POM121C: variants seen among roughly 807,000 people sequenced by gnomAD.
POM121C encodes nuclear envelope pore membrane protein POM 121C.
In POM121C, 20 loss-of-function variants were observed where a neutral mutation model predicts 66.4. The observed-to-expected ratio is 0.30, with a 90% CI of 0.21 to 0.44. The LOEUF (loss-of-function observed/expected upper bound fraction) is 0.44. Among genes scored for constraint, POM121C ranks in the 20% least tolerant of loss-of-function variants. The pLI is 1.00. For synonymous variants in POM121C, 286 were observed against 528.0 expected (o/e 0.54, Z 6.28); for missense variants, 580 against 1,225.7 (o/e 0.47, Z 7.87).
intron 5 of POM121C, chr7:75,440,510 G>A (rs1790597741): frequency 5.8e-6 from 1 of 172,726 alleles, no homozygotes; most frequent in Admixed American, 5.6e-5. Context: ...TGAGCTTGCA[G>A]TGAGCTGAGA....
chr7:75,419,594 G>C (rs1342101340), intron 13 of POM121C, 152 bp from the exon 14 acceptor site: 28 of 880,938 alleles, frequency 3.2e-5, no homozygotes, highest in Non-Finnish European at 3.2e-5. Flanking sequence ...AGCTGAGCCA[G>C]ACAACCGAGT....
chr7:75,438,101 C>A (rs1417103711), intron 6 of POM121C, among the ~76,000 whole-genome samples: 8 of 152,020 alleles, frequency 5.3e-5, no homozygotes, highest in African/African-American at 1.9e-4. Context: ...TCAATTATAC[C>A]TCAACAAAGC....
At position 75,455,840 on chromosome 7, in the gene POM121C, T is replaced by C. The variant is rs1208326028; in HGVS notation, c.-151-14193A>G. ...TCTCCCACTCTGGCCTGTGGGCTCT[T>C]TGAAGACATGGGCTGTATCTCGCCT... is the stretch of plus-strand genomic sequence containing the variant. On this transcript the variant is annotated intron_variant, in intron 3 of 14. Transcript: ENST00000615331. 2.0e-3 allele frequency among the ~76,000 whole-genome samples: 308 copies of C among 152,308 alleles called. 2 individuals carry two copies. Among genetic ancestry groups the C allele is most frequent in the Non-Finnish European group, 3.6e-3 (244 of 68,024 alleles).
intron 1 of POM121C, among the ~76,000 whole-genome samples, chr7:75,485,480 A>T (rs587663598): frequency 6.6e-6 from 1 of 152,244 alleles, no homozygotes; most frequent in Non-Finnish European, 1.5e-5. Context: ...CTGTTCCTGC[A>T]TTACTACGAT....
At chr7:75,434,042 G>A (rs1790297821) in intron 7 of POM121C, among the ~76,000 whole-genome samples, 2 of 152,306 alleles carry the variant, frequency 1.3e-5, no homozygotes, top group Admixed American at 6.5e-5. Flanking sequence ...CACTAGCAAC[G>A]TGTGAGGAGA....
intron 3 of POM121C, among the ~76,000 whole-genome samples, chr7:75,470,854 G>A (rs1554478549): frequency 1.3e-5 from 2 of 151,844 alleles, no homozygotes; most frequent in Admixed American, 6.6e-5. Flanking sequence ...GGCTGACCTC[G>A]AACCCCTGGG....
At chr7:75,474,904 T>C in intron 2 of POM121C, 22 bp from the exon 3 acceptor site, 1 of 1,029,358 alleles carries the variant, frequency 9.7e-7, no homozygotes, top group Non-Finnish European at 1.5e-6. Context: ...AAATGCTCCA[T>C]TTTTTACCTT....
chr7:75,421,870 A>G lies in POM121C; in HGVS notation c.2382T>C (p.Phe794=). The stretch of plus-strand genomic sequence containing the variant: ...AGGAGAAGACAGCAGTGGAGCCGCC[A>G]AAGGCGGGCTGTGAGCTGGCGGGAG... The part of the protein sequence containing the change: ...FGAPASSQPA[F]GGSTAVFSFG... The change falls in exon 13 of 15, where the codon TTT becomes TTC. Residue 794 remains phenylalanine (F), a synonymous_variant. Transcript: ENST00000615331. 1 of 1,611,784 alleles carries G rather than the reference A, an allele frequency of 6.2e-7. No individual in the cohort carries two copies. Among genetic ancestry groups the G allele is most frequent in the African/African-American group, 1.3e-5 (1 of 75,026 alleles).
intron 3 of POM121C, among the ~76,000 whole-genome samples, chr7:75,456,693 C>A (rs1554476332): frequency 6.6e-6 from 1 of 152,282 alleles, no homozygotes; most frequent in African/African-American, 2.4e-5. Flanking sequence ...TGTTTCATCA[C>A]ACGGAAGCAA....
chr7:75,454,308 G>A (rs1323591382), intron 3 of POM121C, among the ~76,000 whole-genome samples: 7 of 152,226 alleles, frequency 4.6e-5, no homozygotes, highest in South Asian at 2.1e-4. Flanking sequence ...TGAGATCTTC[G>A]GCTGAGGATG....
intron 7 of POM121C, among the ~76,000 whole-genome samples, chr7:75,429,463 C>T (rs1790082973): frequency 1.3e-5 from 2 of 152,112 alleles, no homozygotes; most frequent in Non-Finnish European, 2.9e-5. Context: ...GAAATCCTGT[C>T]TCTACTAAAA....
chr7:75,439,146 A>G lies in POM121C; in HGVS notation c.306T>C (p.Pro102=), dbSNP rs374863715. ...VASGVPASFV[P]KPGSLKRGLN... is the part of the protein sequence containing the mutation. The stretch of plus-strand genomic sequence containing the variant: ...CATCTGGATGGACTCGCACTTACTT[A>G]GGCACAAAAGAAGCGGGGACTCCAC... Residue 102 remains proline, a splice_region_variant and synonymous_variant, in exon 6 of 15, where the codon CCT becomes CCC. Transcript: ENST00000615331. 7 of 1,614,120 alleles carry G rather than the reference A, an allele frequency of 4.3e-6. No individual in the cohort carries two copies. In the African/African-American group the frequency reaches 9.3e-5, roughly 22 times the overall value.
chr7:75,424,082 T>A lies in POM121C; in HGVS notation c.1015A>T (p.Met339Leu). 8 of 1,611,780 alleles carry A rather than the reference T, an allele frequency of 5.0e-6. No homozygotes were observed. The highest frequency in any genetic ancestry group is 6.8e-6 in the Non-Finnish European group (8 of 1,179,792). The change falls in exon 12 of 15, where the codon ATG becomes TTG. Residue 339 changes from methionine (M) to leucine (L), a missense_variant. Coordinates refer to ENST00000615331, the MANE Select transcript of POM121C (RefSeq NM_001099415.3). Reference protein sequence around the residue: ...TNPLLESLKKMQTPPSLPPCP... With the variant: ...TNPLLESLKKLQTPPSLPPCP... Reference sequence around the variant, plus strand: ...GGTGGCAGGCTCGGGGGAGTCTGCATCTTCTTCAAGCTCTCTAACAGTGGG... The same window carrying A: ...GGTGGCAGGCTCGGGGGAGTCTGCAACTTCTTCAAGCTCTCTAACAGTGGG...
intron 1 of POM121C, among the ~76,000 whole-genome samples, chr7:75,480,904 T>C (rs1792281513): frequency 6.6e-6 from 1 of 151,880 alleles, no homozygotes; most frequent in African/African-American, 2.4e-5. Flanking sequence ...CAATGATAAA[T>C]TTCCTGAATT....
At chr7:75,425,824 A>C (rs1789920008) in intron 8 of POM121C, 116 bp from the exon 9 acceptor site, 3 of 1,026,632 alleles carry the variant, frequency 2.9e-6, no homozygotes, top group Non-Finnish European at 4.2e-6. Context: ...CCATCATTTA[A>C]GATCTCAGTA....
intron 13 of POM121C, chr7:75,420,394 G>T (rs1789651596): frequency 6.6e-6 from 1 of 152,210 alleles, no homozygotes; most frequent in Non-Finnish European, 1.5e-5. Context: ...CCCTCCTGCT[G>T]TGCTTGCTGG....
chr7:75,447,797 G>A (rs1554474988), intron 3 of POM121C, among the ~76,000 whole-genome samples: 3 of 152,026 alleles, frequency 2.0e-5, no homozygotes, highest in African/African-American at 7.2e-5. Flanking sequence ...GCCGAGGCAG[G>A]CGGATCACGA....
At position 75,425,744 on chromosome 7, in the gene POM121C, A is replaced by G. The variant is rs1789917977; in HGVS notation, c.573-36T>C. On this transcript the variant is annotated intron_variant, in intron 8 of 14. Transcript: ENST00000615331. ...AAAAGGAACAATTTAGTCTAGAAAG[A>G]CTTCTTGGCTGAAGTATTAAATAAT... The G allele has an allele frequency of 1.9e-6, 3 of 1,561,498 alleles. No homozygotes were observed. The East Asian group carries it at 6.9e-5, about 36-fold the overall frequency.
chr7:75,455,851 G>C (rs1791193361), intron 3 of POM121C, among the ~76,000 whole-genome samples: 1 of 152,146 alleles, frequency 6.6e-6, no homozygotes, highest in Non-Finnish European at 1.5e-5. Flanking sequence ...TGAAGACATG[G>C]GCTGTATCTC....
Sources: allele counts gnomAD v4.1 joint callset (sites outside exome capture counted in the v4.1 genomes callset), GRCh38; gene constraint gnomAD v4.1.1; transcripts MANE v1.5; gene names NCBI Gene and HGNC (gene_info 2026-07-23, HGNC 2026-07-21).